The following ERCC6L variants were observed in gnomAD, a reference collection of about 807,000 sequenced individuals.
The protein encoded by ERCC6L is DNA excision repair protein ERCC-6-like.
In ERCC6L, 7 loss-of-function variants were observed where a neutral mutation model predicts 20.1. That is an observed-to-expected ratio of 0.35 (90% confidence interval 0.20 to 0.65). The LOEUF (loss-of-function observed/expected upper bound fraction) is 0.65, where lower values mean the gene tolerates loss of function less well. Ranked by LOEUF, ERCC6L falls within the 30% of genes least tolerant of loss-of-function variation. ERCC6L has a pLI of 0.69. For synonymous variants in ERCC6L, 278 were observed against 331.3 expected (o/e 0.84, Z 1.75); for missense variants, 592 against 892.4 (o/e 0.66, Z 4.29).
At chrX:72,219,485 T>C (rs911129661) in intron 1 of ERCC6L, among the ~76,000 whole-genome samples, 8 of 99,275 alleles carry the variant, frequency 8.1e-5, no homozygotes, top group Non-Finnish European at 1.4e-4. Flanking sequence ...ACCTGGGAGA[T>C]GGAGGTTGCA....
At chrX:72,231,540 A>G (rs1222524341) in intron 1 of ERCC6L, among the ~76,000 whole-genome samples, 3 of 110,953 alleles carry the variant, frequency 2.7e-5, no homozygotes, top group Middle Eastern at 8.5e-3. Context: ...ATATTTCAAA[A>G]TAGCTAAAAG....
chrX:72,217,894 T>A (rs1169663088), intron 1 of ERCC6L, among the ~76,000 whole-genome samples: 2 of 112,012 alleles, frequency 1.8e-5, no homozygotes, highest in Non-Finnish European at 3.8e-5. Context: ...CACACTGTCT[T>A]GACTACTGTA....
At position 72,205,591 on chromosome X, in the gene ERCC6L, A is replaced by C; in HGVS notation, c.3176T>G (p.Phe1059Cys). 1 of 1,211,220 alleles carries C rather than the reference A, an allele frequency of 8.3e-7. No homozygotes were observed. Among genetic ancestry groups the C allele is most frequent in the Non-Finnish European group, 1.1e-6 (1 of 894,934 alleles). ...GTCATTTTTGGGAGTTGAAGCATCA[A>C]ATTGTTTCACAGATGAGAATTGAAA... ...SLFQFSSVKQ[F>C]DASTPKNDIS... The change falls in exon 2 of 2, where the codon TTT (phenylalanine) becomes TGT (cysteine). Residue 1059 changes from phenylalanine to cysteine, a missense_variant. By Grantham distance (205) the Phe-to-Cys change is radical. Around this residue, in one of 3 missense-constraint regions of ERCC6L, gnomAD observed 352 missense variants for 402.6 expected, o/e 0.87. Transcript: ENST00000334463.
chrX:72,233,836 C>T (rs1255746243), intron 1 of ERCC6L, among the ~76,000 whole-genome samples: 3 of 105,453 alleles, frequency 2.8e-5, no homozygotes, highest in African/African-American at 1.0e-4. Flanking sequence ...TTTTTTTGAC[C>T]GGGCAAGGGG....
Position 72,205,083 on chromosome X carries a change from G to A in ERCC6L, c.3684C>T (p.Asp1228=), listed in dbSNP as rs1275085530. The A allele has an allele frequency of 1.7e-6, 2 of 1,210,725 alleles. No individual in the cohort carries two copies. The highest frequency in any genetic ancestry group is 3.5e-5 in the South Asian group (2 of 56,706). Residue 1228 remains aspartate (D), a synonymous_variant, in exon 2 of 2, where the codon GAC becomes GAT. Transcript: ENST00000334463. ...TAACTTCAGGATCTGCACTTTTTATGTCAAGCGCTTTAACTAAGCAGTTTA... is the reference window on the plus strand; with the variant it reads ...TAACTTCAGGATCTGCACTTTTTATATCAAGCGCTTTAACTAAGCAGTTTA... The part of the protein sequence containing the change: ...EALNCLVKAL[D]IKSADPEVML...
chrX:72,223,493 G>A lies in ERCC6L; in HGVS notation c.69-14795C>T, dbSNP rs759434885. Among the ~76,000 whole-genome samples, 15 of 106,792 alleles carry A rather than the reference G, an allele frequency of 1.4e-4. No homozygotes were observed. In the East Asian group the frequency reaches 4.6e-3, roughly 33 times the overall value. The allele number at this position is 106,792 out of a possible 115,157, so 92.7% of individuals were successfully genotyped here. A position where few individuals can be genotyped will look rare whatever the true frequency, so the allele number is the denominator to read the frequency against. ...CAACTTCTGCCTCCCAGGTTCAAGC[G>A]ATTCTCCTGCCTCAGCCTCCCGAGT... On this transcript the variant is annotated intron_variant, in intron 1 of 1. Transcript: ENST00000334463.
At chrX:72,221,620 T>C (rs776906483) in intron 1 of ERCC6L, among the ~76,000 whole-genome samples, 1 of 111,624 alleles carries the variant, frequency 9.0e-6, no homozygotes. Context: ...TAGTCTTTTA[T>C]TGCAACATGG....
chrX:72,233,721 C>CAAAAAAAAAAAAAAAA (rs35310682), intron 1 of ERCC6L, among the ~76,000 whole-genome samples: 2,046 of 88,747 alleles, frequency 0.023, 133 homozygotes, highest in African/African-American at 0.083. Context: ...GACTCCGTCT[C>CAAAAAAAAAAAAAAAA]AAAAAAAAAA....
chrX:72,219,085 G>A (rs778691652), intron 1 of ERCC6L, among the ~76,000 whole-genome samples: 144 of 108,500 alleles, frequency 1.3e-3, no homozygotes, highest in Non-Finnish European at 2.4e-3. Flanking sequence ...GTGAAACCCC[G>A]TCCCTACTAA....
intron 1 of ERCC6L, among the ~76,000 whole-genome samples, chrX:72,233,840 C>A (rs1379653496): frequency 9.2e-6 from 1 of 108,111 alleles, no homozygotes; most frequent in Non-Finnish European, 1.9e-5. Flanking sequence ...TTTGACCGGG[C>A]AAGGGGGCTC....
At chrX:72,217,428 T>C (rs1379168374) in intron 1 of ERCC6L, among the ~76,000 whole-genome samples, 1 of 111,834 alleles carries the variant, frequency 8.9e-6, no homozygotes, top group Non-Finnish European at 1.9e-5. Flanking sequence ...ATAATAAATA[T>C]TACAGAAAGC....
Position 72,206,029 on chromosome X carries a change from G to T in ERCC6L, c.2738C>A (p.Ser913Tyr), listed in dbSNP as rs763268011. The T allele has an allele frequency of 8.3e-7, 1 of 1,211,398 alleles. No individual in the cohort carries two copies. Among genetic ancestry groups the T allele is most frequent in the African/African-American group, 1.7e-5 (1 of 57,830 alleles). The stretch of plus-strand genomic sequence containing the variant: ...AAGGTCATCAGCTATTTCAATAATG[G>T]ATACATTTGATTCTGCATTTTGACT... ...NESQNAESNV[S>Y]IIEIADDLSA... Residue 913 changes from serine to tyrosine, a missense_variant, in exon 2 of 2, where the codon TCC becomes TAC. By Grantham distance (144) the Ser-to-Tyr change is moderately radical. Transcript: ENST00000334463.
rs749489871 is a variant in ERCC6L at position 72,208,705 on chromosome X, A to G, written c.69-7T>C. 2.7e-6 allele frequency: 3 copies of G among 1,131,158 alleles called. No individual in the cohort carries two copies. The highest frequency in any genetic ancestry group is 2.1e-5 in the South Asian group (1 of 48,064). The allele number at this position is 1,131,158 out of a possible 1,213,427, so 93.2% of individuals were successfully genotyped here. The stretch of plus-strand genomic sequence containing the variant: ...TTTGGCCTCTTTCACATATCTATAG[A>G]AAAAAAAAGAAGAAGAGGAGAAAGG... On this transcript the variant is annotated splice_region_variant and splice_polypyrimidine_tract_variant and intron_variant, in intron 1 of 1. Transcript: ENST00000334463.
chrX:72,226,646 A>G (rs1421836172), intron 1 of ERCC6L, among the ~76,000 whole-genome samples: 2 of 111,484 alleles, frequency 1.8e-5, no homozygotes, highest in Non-Finnish European at 3.8e-5. Context: ...GATAAAAACC[A>G]CATTCCAATA....
At chrX:72,208,760 T>G in intron 1 of ERCC6L, 62 bp from the exon 2 acceptor site, 1 of 956,100 alleles carries the variant, frequency 1.0e-6, no homozygotes, top group Non-Finnish European at 1.4e-6. Flanking sequence ...TAAGAATGCT[T>G]TAGAGTTCAT....
At chrX:72,222,049 TC>T (rs1247518556) in intron 1 of ERCC6L, among the ~76,000 whole-genome samples, 1 of 107,275 alleles carries the variant, frequency 9.3e-6, no homozygotes, top group Non-Finnish European at 1.9e-5. Context: ...CCCTCAAGCC[TC>T]CAGCCCCAAA....
At position 72,205,564 on chromosome X, in the gene ERCC6L, A is replaced by T. The variant is rs2042813376; in HGVS notation, c.3203T>A (p.Ile1068Asn). ...QFDASTPKND[I>N]SPPGRFFSSQ... ...TGAAAAGAACCTTCCTGGTGGACTG[A>T]TGTCATTTTTGGGAGTTGAAGCATC... The change falls in exon 2 of 2, where the codon ATC (isoleucine) becomes AAC (asparagine). Residue 1068 changes from isoleucine to asparagine, a missense_variant. By Grantham distance (149) the Ile-to-Asn change is moderately radical (BLOSUM62 -3). This residue lies in a region of ERCC6L where 352 missense variants were observed against 402.6 expected (regional missense o/e 0.87). Transcript: ENST00000334463. 2 of 1,211,149 alleles carry T rather than the reference A, an allele frequency of 1.7e-6. No individual in the cohort carries two copies. The highest frequency in any genetic ancestry group is 3.5e-5 in the African/African-American group (2 of 57,865).
chrX:72,220,626 A>G (rs5958800), intron 1 of ERCC6L, among the ~76,000 whole-genome samples: 50,911 of 107,676 alleles, frequency 0.47, 12,013 homozygotes, highest in East Asian at 0.98. Flanking sequence ...CCCTCTGGCC[A>G]GAAAGATGTC....
chrX:72,212,832 A>C (rs1253624342), intron 1 of ERCC6L, among the ~76,000 whole-genome samples: 1 of 111,320 alleles, frequency 9.0e-6, no homozygotes, highest in Non-Finnish European at 1.9e-5. Flanking sequence ...AGACCCAGCT[A>C]CTGGGAGGCT....
Sources: allele counts gnomAD v4.1 joint callset (sites outside exome capture counted in the v4.1 genomes callset), GRCh38; gene constraint gnomAD v4.1.1; regional missense constraint gnomAD v4.1.1; transcripts MANE v1.5; gene names NCBI Gene and HGNC (gene_info 2026-07-23, HGNC 2026-07-21).